HHLA1: variants seen among roughly 807,000 people sequenced by gnomAD.
HHLA1 encodes the protein HERV-H LTR-associating protein 1.
In HHLA1, 72 loss-of-function variants were observed where a neutral mutation model predicts 69.9. The ratio of observed to expected loss-of-function variants is 1.03; its 90% CI spans 0.85 to 1.25. The LOEUF (loss-of-function observed/expected upper bound fraction) is 1.25, where lower values mean the gene tolerates loss of function less well. Among genes scored for constraint, HHLA1 ranks in the 50% most tolerant of loss-of-function variants. HHLA1 has a pLI of 0.00. For synonymous variants in HHLA1, 252 were observed against 233.2 expected, an observed-to-expected ratio of 1.08 and a Z score of -0.73; for missense variants, 685 against 642.2, an observed-to-expected ratio of 1.07 and a Z score of -0.72.
chr8:132,071,869 A>C (rs1256022144), intron 14 of HHLA1, among the ~76,000 whole-genome samples: 2 of 152,008 alleles, frequency 1.3e-5, no homozygotes, highest in African/African-American at 2.4e-5. Flanking sequence ...TTTGAGAAAA[A>C]TTTGAGTACA....
Position 132,098,881 on chromosome 8 carries a change from C to T in HHLA1, c.280+1G>A. On this transcript the variant is annotated splice_donor_variant, in intron 5 of 16. Coordinates refer to ENST00000414222, the MANE Select transcript of HHLA1 (RefSeq NM_001145095.3). LOFTEE classifies it high-confidence loss of function. ...GGATTGTGCTTTTAAAATATGATTA[C>T]CTTTTAACGCTCTACTGAGCATCCC... is the stretch of plus-strand genomic sequence containing the variant. The T allele has an allele frequency of 6.5e-7, 1 of 1,541,070 alleles. No homozygotes were observed. The highest frequency in any genetic ancestry group is 8.8e-7 in the Non-Finnish European group (1 of 1,137,768).
chr8:132,109,047 G>T (rs35638972), intron 1 of HHLA1, among the ~76,000 whole-genome samples: 21,930 of 152,118 alleles, frequency 0.14, 1,730 homozygotes, highest in East Asian at 0.17. Context: ...TCGCTCTGTC[G>T]CCCAGGCTGG....
intron 5 of HHLA1, among the ~76,000 whole-genome samples, chr8:132,097,703 C>T (rs1216293600): frequency 6.6e-6 from 1 of 152,200 alleles, no homozygotes; most frequent in Non-Finnish European, 1.5e-5. Context: ...AGATCACTGC[C>T]TTCTTATCGT....
rs1395611957 is a variant in HHLA1 at position 132,061,517 on chromosome 8, C to T, written c.*2478G>A. ...AAGAATGAAGTTTAATGACGTTACGCATGTAACTGCACAATCTCCTTCATC... is the reference window on the plus strand; with the variant it reads ...AAGAATGAAGTTTAATGACGTTACGTATGTAACTGCACAATCTCCTTCATC... On this transcript the variant is annotated 3_prime_UTR_variant, in exon 17 of 17. Coordinates refer to ENST00000414222, the MANE Select transcript of HHLA1 (RefSeq NM_001145095.3). The T allele has an allele frequency of 6.6e-6, 1 of 152,210 alleles. No homozygotes were observed. Among genetic ancestry groups the T allele is most frequent in the Non-Finnish European group, 1.5e-5 (1 of 68,054 alleles). 9.4% of individuals were successfully genotyped at this position (152,210 alleles called of 1,614,324 possible). A position where few individuals can be genotyped will look rare whatever the true frequency, so the allele number is the denominator to read the frequency against.
rs531328529 is a variant in HHLA1, at chr8:132,080,059, G to A, written c.677-93C>T. On this transcript the variant is annotated intron_variant, in intron 10 of 16. Coordinates refer to ENST00000414222, the MANE Select transcript of HHLA1 (RefSeq NM_001145095.3). ...CACTGGACTGCAAATATATGAATGTGGAGATTCAAACCTTTCTCTAATTAA... is the reference window on the plus strand; with the variant it reads ...CACTGGACTGCAAATATATGAATGTAGAGATTCAAACCTTTCTCTAATTAA... 168 of 1,449,752 alleles carry A rather than the reference G, an allele frequency of 1.2e-4. 4 individuals are homozygous for A. In the South Asian group the frequency reaches 1.9e-3, roughly 17 times the overall value. 89.8% of individuals were successfully genotyped at this position (1,449,752 alleles called of 1,614,324 possible).
intron 14 of HHLA1, among the ~76,000 whole-genome samples, chr8:132,074,433 T>C (rs1823600487): frequency 6.6e-6 from 1 of 152,170 alleles, no homozygotes; most frequent in Non-Finnish European, 1.5e-5. Context: ...GAGTCTCCTT[T>C]TATATGTAGA....
rs77747542 is a variant in HHLA1 at position 132,096,096 on chromosome 8, G to A, written c.281-310C>T. 7.4e-3 allele frequency among the ~76,000 whole-genome samples: 1,124 copies of A among 152,252 alleles called. 10 individuals are homozygous for A. The highest frequency in any genetic ancestry group is 0.025 in the African/African-American group (1,047 of 41,544). ...GTAACAAATTATCACAAACTTGGTG[G>A]CCTAAAACAGCAGAAATTTGTTCTC... On this transcript the variant is annotated intron_variant, in intron 5 of 16. Transcript: ENST00000414222.
chr8:132,092,291 C>A (rs1262636696), intron 7 of HHLA1, among the ~76,000 whole-genome samples: 1 of 152,124 alleles, frequency 6.6e-6, no homozygotes, highest in African/African-American at 2.4e-5. Context: ...GTGAGTGTAG[C>A]CATGAGATTA....
Position 132,087,638 on chromosome 8 carries a change from G to T in HHLA1, c.676+15C>A. ...TGGAGAGTCTATGGGAGGAGTTTGG[G>T]AGGTTGGTACTCACCCAGAACACCA... On this transcript the variant is annotated intron_variant, in intron 10 of 16. Transcript: ENST00000414222. The T allele has an allele frequency of 6.5e-7, 1 of 1,531,236 alleles. No homozygotes were observed. The highest frequency in any genetic ancestry group is 1.2e-5 in the South Asian group (1 of 83,616). 94.9% of individuals were successfully genotyped at this position (1,531,236 alleles called of 1,614,324 possible). A position where few individuals can be genotyped will look rare whatever the true frequency, so the allele number is the denominator to read the frequency against.
At chr8:132,095,277 C>T (rs532856422) in intron 7 of HHLA1, among the ~76,000 whole-genome samples, 1 of 152,276 alleles carries the variant, frequency 6.6e-6, no homozygotes, top group East Asian at 1.9e-4. Flanking sequence ...ACCATTTTCC[C>T]TCATGATGGA....
chr8:132,102,065 T>A (rs140258156), intron 3 of HHLA1, among the ~76,000 whole-genome samples: 2 of 152,226 alleles, frequency 1.3e-5, no homozygotes, highest in Non-Finnish European at 2.9e-5. Flanking sequence ...TTGACTATTT[T>A]AGATACCTCA....
At chr8:132,078,121 G>T in intron 11 of HHLA1, 150 bp from the exon 12 acceptor site, 1 of 794,640 alleles carries the variant, frequency 1.3e-6, no homozygotes, top group Non-Finnish European at 1.9e-6. Context: ...ACTTTACTCT[G>T]AACTGAAATA....
chr8:132,100,117 C>T lies in HHLA1; in HGVS notation c.157G>A (p.Glu53Lys). ...LPTTVSGLRE[E>K]ERKEKGVAFL... ...GCCACCCCCTTCTCCTTCCTCTCTT[C>T]TTCTCTAAGGCCAGACACTGGGAAG... Residue 53 changes from glutamate (E) to lysine (K), a missense_variant, in exon 4 of 17, where the codon GAA becomes AAA. Physicochemically the swap from Glu to Lys is moderately conservative, Grantham distance 56 (BLOSUM62 1). Coordinates refer to ENST00000414222, the MANE Select transcript of HHLA1 (RefSeq NM_001145095.3). The T allele has an allele frequency of 6.4e-7, 1 of 1,551,194 alleles. No homozygotes were observed. The highest frequency in any genetic ancestry group is 1.2e-5 in the South Asian group (1 of 84,044).
intron 8 of HHLA1, 93 bp downstream of exon 8, chr8:132,089,423 A>G (rs1823909693): frequency 1.4e-6 from 1 of 731,904 alleles, no homozygotes; most frequent in Non-Finnish European, 2.5e-6. Context: ...GGCCTATAGC[A>G]GGGGTTGGGG....
At chr8:132,068,147 T>C (rs868145686) in intron 15 of HHLA1, among the ~76,000 whole-genome samples, 8 of 152,232 alleles carry the variant, frequency 5.3e-5, no homozygotes, top group African/African-American at 1.2e-4. Context: ...ATGGACAACA[T>C]CATCCAAACT....
Position 132,065,927 on chromosome 8 carries a change from G to T in HHLA1, c.1511C>A (p.Thr504Lys). ...CCTTTTCACCCTCTGACAGATATAT[G>T]TTGCATTCTTCAGAAACCAGGAATA... ...EYYSWFLKNA[T>K]YICQRVKRVS... Residue 504 changes from threonine to lysine, a missense_variant, in exon 16 of 17, where the codon ACA (threonine) becomes AAA (lysine). Coordinates refer to ENST00000414222, the MANE Select transcript of HHLA1 (RefSeq NM_001145095.3). 1.5e-6 allele frequency: 2 copies of T among 1,302,882 alleles called. No individual in the cohort carries two copies. The highest frequency in any genetic ancestry group is 2.0e-6 in the Non-Finnish European group (2 of 986,670). 80.7% of individuals were successfully genotyped at this position (1,302,882 alleles called of 1,614,324 possible). A position where few individuals can be genotyped will look rare whatever the true frequency, so the allele number is the denominator to read the frequency against.
rs1220264566 is a variant in HHLA1 at position 132,076,110 on chromosome 8, C to T, written c.1260G>A (p.Trp420Ter). The change falls in exon 14 of 17, where the codon TGG becomes TGA. Residue 420 changes from tryptophan (W) to a stop codon, truncating the protein, a stop_gained. Transcript: ENST00000414222. LOFTEE classifies it high-confidence loss of function. The part of the protein sequence containing the change: ...YPQTGDLSAE[W>*]PFTAGEEPVL... Reference sequence around the variant, plus strand: ...CTGGCTCTTCACCAGCAGTGAATGGCCACTCTGCAGAGAGATCACCTGCAA... The same window carrying T: ...CTGGCTCTTCACCAGCAGTGAATGGTCACTCTGCAGAGAGATCACCTGCAA... 2 of 1,551,172 alleles carry T rather than the reference C, an allele frequency of 1.3e-6. No homozygotes were observed. The highest frequency in any genetic ancestry group is 1.2e-5 in the South Asian group (1 of 84,054).
chr8:132,079,496 A>G (rs1324410172), intron 11 of HHLA1, among the ~76,000 whole-genome samples: 2 of 152,244 alleles, frequency 1.3e-5, no homozygotes, highest in African/African-American at 2.4e-5. Flanking sequence ...AAAGGCATCA[A>G]AATACATATT....
Position 132,093,822 on chromosome 8 carries a change from A to G in HHLA1, c.448+1697T>C, listed in dbSNP as rs146107370. Reference sequence around the variant, plus strand: ...GCAGGGGTTAATGAAATGGTGAGAAAGGCATGATTATGAAGAATTTTTTTC... The same window carrying G: ...GCAGGGGTTAATGAAATGGTGAGAAGGGCATGATTATGAAGAATTTTTTTC... On this transcript the variant is annotated intron_variant, in intron 7 of 16. Transcript: ENST00000414222. 3.6e-4 allele frequency among the ~76,000 whole-genome samples: 55 copies of G among 152,302 alleles called. No individual in the cohort carries two copies. The East Asian group carries it at 8.3e-3, about 23-fold the overall frequency.
Sources: gnomAD v4.1 joint callset for allele counts (sites outside exome capture counted in the v4.1 genomes callset) on GRCh38, gnomAD v4.1.1 for gene constraint, MANE v1.5 for transcripts, NCBI Gene and HGNC (gene_info 2026-07-23, HGNC 2026-07-21) for gene names.